The following RERE variants were observed in gnomAD, a reference collection of about 807,000 sequenced individuals.
The protein encoded by RERE is arginine-glutamic acid dipeptide repeats.
In RERE, 40 loss-of-function variants were observed where a neutral mutation model predicts 146.1. That is an observed-to-expected ratio of 0.27 (90% CI 0.21 to 0.36). The LOEUF (loss-of-function observed/expected upper bound fraction) is 0.36. Ranked by LOEUF, RERE falls within the 10% of genes least tolerant of loss-of-function variation. The probability of loss-of-function intolerance (pLI) is 1.00; values close to 1 mark genes in which losing one functional copy is unlikely to be tolerated. For synonymous variants in RERE, 1,003 were observed against 866.0 expected (o/e 1.16, Z -2.78); for missense variants, 1,933 against 2,138.7 (o/e 0.90, Z 1.90).
In RERE at chr1:8,655,403, C is replaced by T. The variant is rs140775968; in HGVS notation, c.325+570G>A. ...TGTATTTTTAGTAGAGACAGGGTTT[C>T]ATCATGTTGGTCAGGCTGGTCTCGA... On this transcript the variant is annotated intron_variant, in intron 2 of 22. Transcript: ENST00000400908. 9.5e-3 allele frequency among the ~76,000 whole-genome samples: 1,440 copies of T among 152,174 alleles called. 24 individuals carry two copies. The highest frequency in any genetic ancestry group is 0.033 in the African/African-American group (1,384 of 41,512).
intron 10 of RERE, among the ~76,000 whole-genome samples, chr1:8,490,352 AAAAAAAAG>A (rs1269820955): frequency 4.7e-5 from 7 of 148,674 alleles, no homozygotes; most frequent in African/African-American, 1.8e-4. Context: ...TCAAAAAAAA[AAAAAAAAG>A]AAAAGAAAAG....
intron 12 of RERE, among the ~76,000 whole-genome samples, chr1:8,396,980 G>A (rs551246002): frequency 2.0e-5 from 3 of 152,224 alleles, no homozygotes; most frequent in Non-Finnish European, 4.4e-5. Context: ...TCTACCACGT[G>A]ACTGTATACA....
At chr1:8,378,593 G>A (rs1288185127) in intron 12 of RERE, among the ~76,000 whole-genome samples, 1 of 152,186 alleles carries the variant, frequency 6.6e-6, no homozygotes, top group Admixed American at 6.5e-5. Context: ...GGAAGACCAC[G>A]GGAAGACACA....
chr1:8,565,435 C>T (rs988545084), intron 4 of RERE, among the ~76,000 whole-genome samples: 53 of 152,256 alleles, frequency 3.5e-4, no homozygotes, highest in African/African-American at 1.2e-3. Flanking sequence ...GCCCGGGCAC[C>T]GTGGCGCATG....
At chr1:8,609,219 CAA>C (rs776942261) in intron 4 of RERE, among the ~76,000 whole-genome samples, 56 of 113,634 alleles carry the variant, frequency 4.9e-4, no homozygotes, top group Non-Finnish European at 5.3e-4. Flanking sequence ...CCCTGTCTCC[CAA>C]AAAAAAAAAA....
chr1:8,623,325 C>A (rs989439364), intron 3 of RERE, among the ~76,000 whole-genome samples: 1 of 152,076 alleles, frequency 6.6e-6, no homozygotes, highest in Non-Finnish European at 1.5e-5. Context: ...CTGGCACGCA[C>A]CTGTAATCCC....
At chr1:8,755,645 A>C (rs993887207) in intron 1 of RERE, among the ~76,000 whole-genome samples, 2 of 152,214 alleles carry the variant, frequency 1.3e-5, no homozygotes, top group Non-Finnish European at 2.9e-5. Context: ...GAATACAAAA[A>C]TTTTTAAAGC....
At chr1:8,507,415 GT>G (rs369723434) in intron 8 of RERE, among the ~76,000 whole-genome samples, 3 of 152,196 alleles carry the variant, frequency 2.0e-5, no homozygotes, top group African/African-American at 4.8e-5. Context: ...AAAAGAAGTT[GT>G]TTATTTTTTT....
In RERE at chr1:8,360,362, G is replaced by T; in HGVS notation, c.3145C>A (p.Pro1049Thr). Residue 1049 changes from proline (P) to threonine (T), a missense_variant, in exon 18 of 23, where the codon CCT becomes ACT. Pro to Thr is a conservative substitution (Grantham distance 38). Coordinates refer to ENST00000400908, the MANE Select transcript of RERE (RefSeq NM_001042681.2). ...GTAGAGGTGGAGGGGCAGGTCGGAGGGGTGATGGGAGGAGGGCCTCCAGGG... is the reference window on the plus strand; with the variant it reads ...GTAGAGGTGGAGGGGCAGGTCGGAGTGGTGATGGGAGGAGGGCCTCCAGGG... Reference protein sequence around the residue: ...FVPGGPPPITPPTCPSTSTPP... With the variant: ...FVPGGPPPITTPTCPSTSTPP... The T allele has an allele frequency of 6.8e-7, 1 of 1,475,106 alleles. No homozygotes were observed. Among genetic ancestry groups the T allele is most frequent in the Non-Finnish European group, 9.0e-7 (1 of 1,111,224 alleles). The allele number at this position is 1,475,106 out of a possible 1,614,324, so 91.4% of individuals were successfully genotyped here. A position where few individuals can be genotyped will look rare whatever the true frequency, so the allele number is the denominator to read the frequency against.
chr1:8,563,849 A>G (rs1377450686), intron 4 of RERE, among the ~76,000 whole-genome samples: 2 of 152,252 alleles, frequency 1.3e-5, no homozygotes, highest in Non-Finnish European at 2.9e-5. Context: ...ATGCATTTCC[A>G]CAACATGGTG....
chr1:8,807,618 C>G (rs1641715227), intron 1 of RERE, among the ~76,000 whole-genome samples: 1 of 152,142 alleles, frequency 6.6e-6, no homozygotes, highest in African/African-American at 2.4e-5. Context: ...GTCCACAGTA[C>G]TGATTGAACC....
chr1:8,508,983 C>G lies in RERE; in HGVS notation c.831-308G>C, dbSNP rs140934591. Among the ~76,000 whole-genome samples, 23 of 152,212 alleles carry G rather than the reference C, an allele frequency of 1.5e-4. No homozygotes were observed. In the East Asian group the frequency reaches 4.4e-3, roughly 29 times the overall value. On this transcript the variant is annotated intron_variant, in intron 7 of 22. Coordinates refer to ENST00000400908, the MANE Select transcript of RERE (RefSeq NM_001042681.2). ...AGGCTGGAGTGCAGTGGCACAATCT[C>G]GGCTCACTGCAACCTCCGCCTCTTG...
intron 7 of RERE, among the ~76,000 whole-genome samples, chr1:8,536,765 C>T (rs1394369310): frequency 6.6e-6 from 1 of 152,182 alleles, no homozygotes; most frequent in Admixed American, 6.5e-5. Context: ...ATGTCAAAAA[C>T]AAACTCCAAA....
At chr1:8,563,148 C>T (rs1040762562) in intron 4 of RERE, among the ~76,000 whole-genome samples, 1 of 152,132 alleles carries the variant, frequency 6.6e-6, no homozygotes, top group Non-Finnish European at 1.5e-5. Context: ...CAGGGTCTAA[C>T]GTTGAGATGG....
chr1:8,735,605 C>A (rs1211945250), intron 1 of RERE, among the ~76,000 whole-genome samples: 1 of 152,104 alleles, frequency 6.6e-6, no homozygotes, highest in Non-Finnish European at 1.5e-5. Context: ...GTGTCCCCAC[C>A]CAAATCTCAT....
intron 2 of RERE, among the ~76,000 whole-genome samples, chr1:8,637,967 A>G (rs1244300886): frequency 6.6e-6 from 1 of 152,228 alleles, no homozygotes; most frequent in Non-Finnish European, 1.5e-5. Flanking sequence ...AACGGAGAAT[A>G]TTTGGAAAAC....
At chr1:8,476,345 T>G (rs1359964470) in intron 10 of RERE, among the ~76,000 whole-genome samples, 1 of 152,176 alleles carries the variant, frequency 6.6e-6, no homozygotes, top group Non-Finnish European at 1.5e-5. Context: ...CCCTAGAATG[T>G]TGCTACTGGG....
At chr1:8,654,825 G>A (rs1020377163) in intron 2 of RERE, among the ~76,000 whole-genome samples, 10 of 151,860 alleles carry the variant, frequency 6.6e-5, no homozygotes, top group African/African-American at 2.4e-4. Context: ...TTGTAAAGAT[G>A]GGGGTCTCAC....
intron 12 of RERE, among the ~76,000 whole-genome samples, chr1:8,369,813 G>T (rs183570099): frequency 1.3e-5 from 2 of 151,828 alleles, no homozygotes; most frequent in South Asian, 2.1e-4. Flanking sequence ...TTTTTGAGAC[G>T]GAGTCTTGCT....
Sources: gnomAD v4.1 joint callset for allele counts (sites outside exome capture counted in the v4.1 genomes callset) on GRCh38, gnomAD v4.1.1 for gene constraint, MANE v1.5 for transcripts, NCBI Gene and HGNC (gene_info 2026-07-23, HGNC 2026-07-21) for gene names.